SCAMP1: variants seen among roughly 807,000 people sequenced by gnomAD.
SCAMP1 encodes secretory carrier-associated membrane protein 1.
SCAMP1 carries 15 observed loss-of-function variants against 41.8 expected under a neutral mutation model. That is an observed-to-expected ratio of 0.36 (90% CI 0.24 to 0.55). SCAMP1 has a LOEUF of 0.55. SCAMP1 is among the 20% of genes least tolerant of loss of function. The pLI is 0.86. For missense variants in SCAMP1, 341 were observed against 412.6 expected, an observed-to-expected ratio of 0.83 and a Z score of 1.50; for synonymous variants, 135 against 136.8, an observed-to-expected ratio of 0.99 and a Z score of 0.09.
At chr5:78,390,163 A>T (rs902167572) in intron 2 of SCAMP1, among the ~76,000 whole-genome samples, 2 of 152,152 alleles carry the variant, frequency 1.3e-5, no homozygotes, top group Non-Finnish European at 2.9e-5. Context: ...GGACATCTAG[A>T]TGGTGTCCAA....
chr5:78,452,865 T>G (rs1295843208), intron 7 of SCAMP1, among the ~76,000 whole-genome samples: 1 of 149,408 alleles, frequency 6.7e-6, no homozygotes, highest in East Asian at 2.0e-4. Flanking sequence ...TCCTGACTTT[T>G]TAATGATCGC....
chr5:78,444,411 CT>C (rs1181897647), intron 6 of SCAMP1, among the ~76,000 whole-genome samples: 1 of 152,096 alleles, frequency 6.6e-6, no homozygotes, highest in Non-Finnish European at 1.5e-5. Flanking sequence ...GGGAACTGCC[CT>C]TTATAAAACC....
chr5:78,464,209 T>C (rs907641197), intron 8 of SCAMP1, among the ~76,000 whole-genome samples: 2 of 152,082 alleles, frequency 1.3e-5, no homozygotes, highest in Admixed American at 1.3e-4. Flanking sequence ...GATGGCGTGA[T>C]CTCTGCTCAC....
intron 2 of SCAMP1, 125 bp from the exon 3 acceptor site, chr5:78,415,395 T>C: frequency 1.6e-6 from 1 of 623,020 alleles, no homozygotes; most frequent in Non-Finnish European, 2.9e-6. Flanking sequence ...CACTTGACTA[T>C]GAGAGAGCAG....
chr5:78,375,483 C>T (rs1465125061), intron 1 of SCAMP1, among the ~76,000 whole-genome samples: 1 of 152,142 alleles, frequency 6.6e-6, no homozygotes, highest in African/African-American at 2.4e-5. Context: ...AGTCTGGTAT[C>T]ATGCTAACCT....
chr5:78,388,766 G>A (rs1054449810), intron 1 of SCAMP1, 71 bp from the exon 2 acceptor site: 2 of 779,820 alleles, frequency 2.6e-6, no homozygotes, highest in Non-Finnish European at 4.3e-6. Context: ...TAAAGCAAAT[G>A]GTATGTAAAT....
At chr5:78,387,061 T>A (rs1010324346) in intron 1 of SCAMP1, among the ~76,000 whole-genome samples, 1 of 152,240 alleles carries the variant, frequency 6.6e-6, no homozygotes, top group African/African-American at 2.4e-5. Context: ...TCCAAACTTT[T>A]AGATTTCTCT....
At chr5:78,417,922 G>A (rs1195162721) in intron 4 of SCAMP1, among the ~76,000 whole-genome samples, 2 of 152,134 alleles carry the variant, frequency 1.3e-5, no homozygotes, top group South Asian at 2.1e-4. Flanking sequence ...GGAAAAGTAG[G>A]TAAAATTGAA....
chr5:78,398,576 G>C (rs1453504631), intron 2 of SCAMP1, among the ~76,000 whole-genome samples: 1 of 113,146 alleles, frequency 8.8e-6, no homozygotes, highest in African/African-American at 3.4e-5. Flanking sequence ...TTTTGAGACA[G>C]AGTCTTGCTC....
intron 8 of SCAMP1, among the ~76,000 whole-genome samples, chr5:78,462,148 T>A (rs773084719): frequency 6.6e-6 from 1 of 152,000 alleles, no homozygotes; most frequent in African/African-American, 2.4e-5. Context: ...ATTCTTCTTA[T>A]GGAGTTCTTT....
chr5:78,367,714 A>G (rs571879717), intron 1 of SCAMP1, among the ~76,000 whole-genome samples: 1 of 152,338 alleles, frequency 6.6e-6, no homozygotes, highest in South Asian at 2.1e-4. Flanking sequence ...CTAGTATAAA[A>G]TGGCGAGGTA....
At chr5:78,453,515 T>C (rs866002435) in intron 7 of SCAMP1, among the ~76,000 whole-genome samples, 61 of 152,156 alleles carry the variant, frequency 4.0e-4, no homozygotes, top group African/African-American at 1.4e-3. Flanking sequence ...GCGTTATTTC[T>C]GAGGGCTCTG....
At chr5:78,445,676 G>A (rs1753036300) in intron 6 of SCAMP1, among the ~76,000 whole-genome samples, 1 of 151,934 alleles carries the variant, frequency 6.6e-6, no homozygotes, top group Non-Finnish European at 1.5e-5. Context: ...TTCTGGCTAA[G>A]GTACAGCTCT....
chr5:78,466,235 C>T (rs1328585959), intron 8 of SCAMP1, among the ~76,000 whole-genome samples: 1 of 152,200 alleles, frequency 6.6e-6, no homozygotes, highest in Non-Finnish European at 1.5e-5. Context: ...AGGCACTGGG[C>T]TGTGCATGAG....
intron 6 of SCAMP1, among the ~76,000 whole-genome samples, chr5:78,429,050 T>C (rs1274969651): frequency 2.0e-5 from 3 of 152,114 alleles, no homozygotes; most frequent in Non-Finnish European, 4.4e-5. Context: ...TTCCTTGGGA[T>C]TCCATATATA....
chr5:78,462,624 G>C (rs1753645981), intron 8 of SCAMP1, among the ~76,000 whole-genome samples: 1 of 152,088 alleles, frequency 6.6e-6, no homozygotes, highest in Non-Finnish European at 1.5e-5. Flanking sequence ...CACCCAGTCT[G>C]TATCTTGAAA....
intron 6 of SCAMP1, among the ~76,000 whole-genome samples, chr5:78,435,903 T>C (rs976942488): frequency 2.6e-5 from 4 of 152,372 alleles, no homozygotes; most frequent in Admixed American, 2.6e-4. Flanking sequence ...TCCTGACTTT[T>C]GAATGATTGC....
chr5:78,447,333 A>G (rs1051285863), intron 6 of SCAMP1, among the ~76,000 whole-genome samples: 2 of 148,596 alleles, frequency 1.3e-5, no homozygotes, highest in Non-Finnish European at 3.0e-5. Context: ...AATAAAGTTG[A>G]TGGACTAACA....
At chr5:78,411,693 G>A (rs990156276) in intron 2 of SCAMP1, among the ~76,000 whole-genome samples, 9 of 151,944 alleles carry the variant, frequency 5.9e-5, no homozygotes, top group African/African-American at 2.2e-4. Context: ...GACATTTGGG[G>A]TTTTGCTTTT....
Sources: gnomAD v4.1 joint callset for allele counts (sites outside exome capture counted in the v4.1 genomes callset) on GRCh38, gnomAD v4.1.1 for gene constraint, MANE v1.5 for transcripts, NCBI Gene and HGNC (gene_info 2026-07-23, HGNC 2026-07-21) for gene names.